The following ANKRD12 variants were observed in gnomAD, a reference collection of about 807,000 sequenced individuals.
The protein encoded by ANKRD12 is ankyrin repeat domain-containing protein 12.
ANKRD12 carries 85 observed loss-of-function variants against 183.4 expected under a neutral mutation model. The ratio of observed to expected loss-of-function variants is 0.46; its 90% confidence interval spans 0.39 to 0.56. The LOEUF is 0.56. ANKRD12 is among the 20% of genes least tolerant of loss of function. The pLI, the probability that ANKRD12 is intolerant of heterozygous loss-of-function variation, is 0.00. For missense variants in ANKRD12, 2,405 were observed against 2,357.1 expected, an observed-to-expected ratio of 1.02 and a Z score of -0.42; for synonymous variants, 914 against 800.2, an observed-to-expected ratio of 1.14 and a Z score of -2.40.
At position 9,254,370 on chromosome 18, in the gene ANKRD12, A is replaced by G; in HGVS notation, c.1103A>G (p.Asp368Gly). The G allele has an allele frequency of 3.7e-6, 6 of 1,610,770 alleles. No homozygotes were observed. The highest frequency in any genetic ancestry group is 5.1e-6 in the Non-Finnish European group (6 of 1,178,838). The change falls in exon 9 of 13, where the codon GAT (aspartate) becomes GGT (glycine). Residue 368 changes from aspartate to glycine, a missense_variant. This residue lies in a region of ANKRD12 where 1,983 missense variants were observed against 1,725.9 expected (regional missense o/e 1.15). Transcript: ENST00000262126. ...LDEYEFKDDD[D>G]EEINKMIDDR... The stretch of plus-strand genomic sequence containing the variant: ...GAGTATGAGTTCAAAGATGATGATG[A>G]TGAAGAAATTAATAAGATGATTGAT...
chr18:9,164,002 T>A (rs2031754296), intron 1 of ANKRD12, among the ~76,000 whole-genome samples: 1 of 152,198 alleles, frequency 6.6e-6, no homozygotes, highest in South Asian at 2.1e-4. Context: ...TCTCTCTTCC[T>A]ATTGGAATGC....
At chr18:9,167,647 A>G (rs1323574498) in intron 1 of ANKRD12, among the ~76,000 whole-genome samples, 2 of 152,186 alleles carry the variant, frequency 1.3e-5, no homozygotes, top group African/African-American at 4.8e-5. Context: ...TAGATACACA[A>G]TCATGTCATC....
rs34996750 is a variant in ANKRD12, at chr18:9,256,260, T to C, written c.2993T>C (p.Leu998Ser). 47,750 of 1,604,396 alleles carry C rather than the reference T, an allele frequency of 0.03. 935 individuals are homozygous for C. Among genetic ancestry groups the C allele is most frequent in the Non-Finnish European group, 0.031 (37,073 of 1,177,034 alleles). The change falls in exon 9 of 13, where the codon TTA (leucine) becomes TCA (serine). Residue 998 changes from leucine to serine, a missense_variant. Leu to Ser is a moderately radical substitution (Grantham distance 145). Transcript: ENST00000262126. The stretch of plus-strand genomic sequence containing the variant: ...AATAAAGCACAACATGAAAAACCCT[T>C]ATCCCTTAAAGAAAAAACAAAAGAT... Reference protein sequence around the residue: ...DGNKAQHEKPLSLKEKTKDEP... With the variant: ...DGNKAQHEKPSSLKEKTKDEP...
At chr18:9,148,867 A>G (rs912352994) in intron 1 of ANKRD12, among the ~76,000 whole-genome samples, 1 of 152,178 alleles carries the variant, frequency 6.6e-6, no homozygotes, top group Non-Finnish European at 1.5e-5. Context: ...CAGACTACAC[A>G]ATGACAAGGG....
intron 6 of ANKRD12, among the ~76,000 whole-genome samples, chr18:9,216,459 A>G (rs2036113166): frequency 6.6e-6 from 1 of 152,216 alleles, no homozygotes; most frequent in African/African-American, 2.4e-5. Context: ...GCTTCCAGTT[A>G]ACAGTAGGCT....
chr18:9,273,573 G>A (rs900591345), intron 10 of ANKRD12, among the ~76,000 whole-genome samples: 1 of 152,112 alleles, frequency 6.6e-6, no homozygotes, highest in African/African-American at 2.4e-5. Flanking sequence ...ACAGTTTGGT[G>A]GTTCCTCAAC....
chr18:9,227,778 C>T (rs1481938964), intron 8 of ANKRD12, among the ~76,000 whole-genome samples: 2 of 152,164 alleles, frequency 1.3e-5, no homozygotes, highest in African/African-American at 4.8e-5. Flanking sequence ...GGGTATCCAT[C>T]ACCTTAAGTG....
intron 1 of ANKRD12, among the ~76,000 whole-genome samples, chr18:9,166,510 A>G (rs974209208): frequency 3.3e-5 from 5 of 152,106 alleles, no homozygotes. Flanking sequence ...TTGGCTGCAT[A>G]AATGTCTTCT....
chr18:9,180,401 C>G (rs2033619035), intron 1 of ANKRD12, among the ~76,000 whole-genome samples: 1 of 151,860 alleles, frequency 6.6e-6, no homozygotes, highest in African/African-American at 2.4e-5. Flanking sequence ...TTCTGGCATT[C>G]TCTGTCTTTT....
At chr18:9,149,137 C>T (rs916717883) in intron 1 of ANKRD12, among the ~76,000 whole-genome samples, 2 of 152,138 alleles carry the variant, frequency 1.3e-5, no homozygotes, top group African/African-American at 4.8e-5. Flanking sequence ...TGGGTGCTTG[C>T]TTACATAGCA....
At chr18:9,190,001 C>A (rs1454824672) in intron 2 of ANKRD12, among the ~76,000 whole-genome samples, 1 of 152,142 alleles carries the variant, frequency 6.6e-6, no homozygotes, top group East Asian at 1.9e-4. Flanking sequence ...AGAGTGATTC[C>A]TCTGATGGAT....
At chr18:9,186,308 T>C (rs1409654038) in intron 2 of ANKRD12, among the ~76,000 whole-genome samples, 1 of 152,230 alleles carries the variant, frequency 6.6e-6, no homozygotes, top group Non-Finnish European at 1.5e-5. Flanking sequence ...AGAATACTTG[T>C]TAATCATTGG....
rs1250696597 is a variant in ANKRD12, at chr18:9,221,951, C to T, written c.895C>T (p.Leu299=). 6.2e-7 allele frequency: 1 copy of T among 1,613,768 alleles called. No homozygotes were observed. The highest frequency in any genetic ancestry group is 1.7e-5 in the Admixed American group (1 of 60,006). ...DVAETEELEL[L]LKREVPLSDD... is the part of the protein sequence containing the mutation. ...AGCAGAAACAGAGGAGTTGGAGTTG[C>T]TACTAAAAAGAGAGGTGCCTTTATC... Residue 299 remains leucine (L), a synonymous_variant, in exon 8 of 13, where the codon CTA becomes TTA. Transcript: ENST00000262126.
Position 9,281,351 on chromosome 18 carries a change from A to C in ANKRD12, c.*225A>C. The C allele has an allele frequency of 2.6e-6, 1 of 383,288 alleles. No homozygotes were observed. Among genetic ancestry groups the C allele is most frequent in the Non-Finnish European group, 4.6e-6 (1 of 218,300 alleles). The allele number at this position is 383,288 out of a possible 1,614,324, so 23.7% of individuals were successfully genotyped here. On this transcript the variant is annotated 3_prime_UTR_variant, in exon 13 of 13. Coordinates refer to ENST00000262126, the MANE Select transcript of ANKRD12 (RefSeq NM_015208.5). Reference sequence around the variant, plus strand: ...AGAAAACTATTATTTATATTGGGAAAGGTAACTATTGCATTAGAGCATGTT... The same window carrying C: ...AGAAAACTATTATTTATATTGGGAACGGTAACTATTGCATTAGAGCATGTT...
In ANKRD12 at chr18:9,233,856, C is replaced by A. The variant is rs144647155; in HGVS notation, c.943+11857C>A. Among the ~76,000 whole-genome samples the A allele has an allele frequency of 6.3e-3, 962 of 152,250 alleles. 7 individuals carry two copies. Among genetic ancestry groups the A allele is most frequent in the Middle Eastern group, 0.017 (5 of 294 alleles). On this transcript the variant is annotated intron_variant, in intron 8 of 12. Coordinates refer to ENST00000262126, the MANE Select transcript of ANKRD12 (RefSeq NM_015208.5). ...TGAGCCCCAGCCCATCATATTCTGG[C>A]ACTGGTGTCAGCAGGACCAGGTGGG...
chr18:9,272,828 TG>T (rs1279623825), intron 10 of ANKRD12, among the ~76,000 whole-genome samples: 2 of 152,240 alleles, frequency 1.3e-5, no homozygotes, highest in East Asian at 1.9e-4. Flanking sequence ...CATGTTTCTT[TG>T]TTTTTTTCAT....
At chr18:9,145,018 T>G (rs1396258032) in intron 1 of ANKRD12, among the ~76,000 whole-genome samples, 1 of 152,140 alleles carries the variant, frequency 6.6e-6, no homozygotes, top group East Asian at 1.9e-4. Flanking sequence ...AGTCTGAAAA[T>G]GTAATGGGTT....
intron 8 of ANKRD12, among the ~76,000 whole-genome samples, chr18:9,244,708 T>A (rs948138943): frequency 1.3e-5 from 2 of 152,174 alleles, no homozygotes; most frequent in Non-Finnish European, 2.9e-5. Context: ...TTCCAGTAAG[T>A]ATGACGCAGG....
At chr18:9,179,574 G>A (rs2033547561) in intron 1 of ANKRD12, among the ~76,000 whole-genome samples, 1 of 152,136 alleles carries the variant, frequency 6.6e-6, no homozygotes, top group African/African-American at 2.4e-5. Context: ...GGAGTGCAGT[G>A]GCGTGATCAT....
Sources: allele counts gnomAD v4.1 joint callset (sites outside exome capture counted in the v4.1 genomes callset), GRCh38; gene constraint gnomAD v4.1.1; regional missense constraint gnomAD v4.1.1; transcripts MANE v1.5; gene names NCBI Gene and HGNC (gene_info 2026-07-23, HGNC 2026-07-21).